GLIS3: variants seen among roughly 807,000 people sequenced by gnomAD.
GLIS3 encodes GLIS family zinc finger 3.
GLIS3 carries 53 observed loss-of-function variants against 78.6 expected under a neutral mutation model. The observed-to-expected ratio is 0.67, with a 90% confidence interval of 0.54 to 0.85. The LOEUF (loss-of-function observed/expected upper bound fraction) is 0.85. Among genes scored for constraint, GLIS3 ranks in the 40% least tolerant of loss-of-function variants. The pLI, the probability that GLIS3 is intolerant of heterozygous loss-of-function variation, is 0.00. For synonymous variants in GLIS3, 684 were observed against 509.9 expected, an observed-to-expected ratio of 1.34 and a Z score of -4.60; for missense variants, 1,703 against 1,231.1, an observed-to-expected ratio of 1.38 and a Z score of -5.74.
intron 7 of GLIS3, among the ~76,000 whole-genome samples, chr9:3,898,040 A>C (rs925294708): frequency 6.6e-6 from 1 of 152,260 alleles, no homozygotes; most frequent in Non-Finnish European, 1.5e-5. Context: ...CATTACAGAG[A>C]GTAGAAAATG....
chr9:4,177,259 G>A (rs937947794), intron 2 of GLIS3, among the ~76,000 whole-genome samples: 1 of 152,124 alleles, frequency 6.6e-6, no homozygotes, highest in Admixed American at 6.5e-5. Context: ...TCATGACTCT[G>A]CCCATTTATC....
intron 2 of GLIS3, among the ~76,000 whole-genome samples, chr9:4,253,724 G>T (rs897350252): frequency 2.6e-5 from 4 of 152,174 alleles, no homozygotes; most frequent in African/African-American, 9.7e-5. Context: ...TGAAACCCAC[G>T]GCCCTGGTGG....
chr9:4,120,485 C>G (rs893007142), intron 3 of GLIS3, among the ~76,000 whole-genome samples: 1 of 152,198 alleles, frequency 6.6e-6, no homozygotes, highest in Non-Finnish European at 1.5e-5. Context: ...TAATTCCCCA[C>G]GGACACTTTT....
the GLIS3 span, among the ~76,000 whole-genome samples, chr9:4,376,321 T>G: frequency 6.6e-6 from 1 of 152,144 alleles, no homozygotes; most frequent in African/African-American, 2.4e-5. Flanking sequence ...ATTAGGAGTA[T>G]CCAAGGAGAG....
chr9:4,370,758 T>C, the GLIS3 span, among the ~76,000 whole-genome samples: 2 of 151,844 alleles, frequency 1.3e-5, no homozygotes, highest in African/African-American at 2.4e-5. Flanking sequence ...ATCCTTTCAT[T>C]CAATTAAAGT....
At chr9:4,308,497 C>T (rs866194351) in intron 4 of GLIS3, among the ~76,000 whole-genome samples, 1 of 152,032 alleles carries the variant, frequency 6.6e-6, no homozygotes, top group South Asian at 2.1e-4. Context: ...TGCCCCCACC[C>T]ATCTCCCACC....
the GLIS3 span, among the ~76,000 whole-genome samples, chr9:4,365,454 G>A: frequency 6.6e-6 from 1 of 152,010 alleles, no homozygotes; most frequent in African/African-American, 2.4e-5. Flanking sequence ...CTACTCAGGG[G>A]CTGAGGCAGG....
At chr9:4,179,854 G>T (rs1276459271) in intron 2 of GLIS3, among the ~76,000 whole-genome samples, 1 of 151,704 alleles carries the variant, frequency 6.6e-6, no homozygotes, top group African/African-American at 2.4e-5. Flanking sequence ...AGGCTACAGT[G>T]AGACAAGATC....
chr9:4,270,927 GTGTGTGTA>G (rs1479767996), intron 2 of GLIS3, among the ~76,000 whole-genome samples: 3,202 of 83,250 alleles, frequency 0.038, 61 homozygotes, highest in South Asian at 0.092. Flanking sequence ...GTGTGTGTGT[GTGTGTGTA>G]TACACAACTG....
intron 4 of GLIS3, among the ~76,000 whole-genome samples, chr9:3,976,491 A>T (rs1243444014): frequency 6.7e-6 from 1 of 149,462 alleles, no homozygotes. Context: ...CCCATTGCCT[A>T]TTTTTTTTTT....
chr9:4,255,304 G>A (rs1018973399), intron 2 of GLIS3, among the ~76,000 whole-genome samples: 1 of 152,190 alleles, frequency 6.6e-6, no homozygotes, highest in African/African-American at 2.4e-5. Context: ...ACAGTATGGT[G>A]GTTTCCTGCC....
chr9:3,987,830 T>C (rs1819895233), intron 4 of GLIS3, among the ~76,000 whole-genome samples: 2 of 42,268 alleles, frequency 4.7e-5, no homozygotes, highest in South Asian at 1.5e-3. Flanking sequence ...AAACAGTGAA[T>C]CCAAACCAGA....
In GLIS3 at chr9:3,875,607, C is replaced by G. The variant is rs570215315; in HGVS notation, c.2297+3820G>C. 3.3e-5 allele frequency: 5 copies of G among 152,258 alleles called. 1 individual carries two copies. The South Asian group carries it at 1.0e-3, about 32-fold the overall frequency. 9.4% of individuals were successfully genotyped at this position (152,258 alleles called of 1,614,324 possible). On this transcript the variant is annotated intron_variant, in intron 8 of 10. Coordinates refer to ENST00000381971, the MANE Select transcript of GLIS3 (RefSeq NM_001042413.2). ...CAAACAGAGGCAAAGATATACAAAC[C>G]AAAAGCGGAAGGTAAGCACATTTCC...
At chr9:4,260,396 C>T (rs1422339058) in intron 2 of GLIS3, among the ~76,000 whole-genome samples, 3 of 152,020 alleles carry the variant, frequency 2.0e-5, no homozygotes, top group Non-Finnish European at 2.9e-5. Context: ...GAAACCCCAA[C>T]TCTACTAAAA....
the GLIS3 span, among the ~76,000 whole-genome samples, chr9:4,421,775 A>T: frequency 5.9e-5 from 9 of 152,222 alleles, no homozygotes; most frequent in African/African-American, 2.2e-4. Context: ...AGTACCAACT[A>T]TGTCCTAGGT....
At chr9:3,892,377 G>T (rs1429806884) in intron 7 of GLIS3, among the ~76,000 whole-genome samples, 1 of 152,162 alleles carries the variant, frequency 6.6e-6, no homozygotes, top group East Asian at 1.9e-4. Flanking sequence ...AGTCACGGCC[G>T]GGGCACCTGA....
chr9:4,177,758 G>A (rs1020332129), intron 2 of GLIS3, among the ~76,000 whole-genome samples: 1 of 152,166 alleles, frequency 6.6e-6, no homozygotes, highest in African/African-American at 2.4e-5. Context: ...TGTTCCTGGT[G>A]GGTTTGGAGG....
chr9:4,205,681 A>AC (rs1181657373), intron 2 of GLIS3, among the ~76,000 whole-genome samples: 2 of 152,032 alleles, frequency 1.3e-5, no homozygotes, highest in African/African-American at 2.4e-5. Context: ...ATCAAACCTC[A>AC]CCTAAGGCCA....
intron 6 of GLIS3, among the ~76,000 whole-genome samples, chr9:3,901,900 G>A (rs1243008502): frequency 6.6e-6 from 1 of 152,206 alleles, no homozygotes; most frequent in African/African-American, 2.4e-5. Context: ...CTTGGAATGA[G>A]TTCTGGTGAT....
Sources: gnomAD v4.1 joint callset for allele counts (sites outside exome capture counted in the v4.1 genomes callset) on GRCh38, gnomAD v4.1.1 for gene constraint, MANE v1.5 for transcripts, NCBI Gene and HGNC (gene_info 2026-07-23, HGNC 2026-07-21) for gene names.